Variants in BCAR3 observed in about 807,000 individuals in gnomAD.
The protein encoded by BCAR3 is breast cancer anti-estrogen resistance protein 3.
BCAR3 carries 37 observed loss-of-function variants against 80.1 expected under a neutral mutation model. The observed-to-expected ratio is 0.46, with a 90% CI of 0.36 to 0.61. The LOEUF (loss-of-function observed/expected upper bound fraction) is 0.61. Among genes scored for constraint, BCAR3 ranks in the 20% least tolerant of loss-of-function variants. The pLI is 0.00. For synonymous variants in BCAR3, 389 were observed against 418.9 expected (o/e 0.93, Z 0.87); for missense variants, 978 against 1,068.2 (o/e 0.92, Z 1.18).
At chr1:93,844,325 A>G (rs1655067860) in intron 2 of BCAR3, among the ~76,000 whole-genome samples, 1 of 152,206 alleles carries the variant, frequency 6.6e-6, no homozygotes, top group Admixed American at 6.5e-5. Context: ...AATAAAAATA[A>G]AACACCAACA....
chr1:93,762,487 G>A (rs953203685), intron 2 of BCAR3, among the ~76,000 whole-genome samples: 3 of 152,218 alleles, frequency 2.0e-5, no homozygotes, highest in Non-Finnish European at 4.4e-5. Context: ...ATGCAGACAA[G>A]TTAGCAAGGG....
At chr1:93,701,881 C>T (rs1256261727) in intron 3 of BCAR3, among the ~76,000 whole-genome samples, 3 of 152,178 alleles carry the variant, frequency 2.0e-5, no homozygotes, top group African/African-American at 7.2e-5. Flanking sequence ...GCCTTAAGAA[C>T]ATGTGAGCCA....
At chr1:93,719,507 A>AT (rs1239186563) in intron 2 of BCAR3, among the ~76,000 whole-genome samples, 1 of 151,158 alleles carries the variant, frequency 6.6e-6, no homozygotes, top group Non-Finnish European at 1.5e-5. Context: ...CGCCCGGCTA[A>AT]TTTTTTTGTA....
intron 2 of BCAR3, among the ~76,000 whole-genome samples, chr1:93,712,754 A>G (rs1650068635): frequency 6.6e-6 from 1 of 152,184 alleles, no homozygotes; most frequent in Admixed American, 6.5e-5. Flanking sequence ...TCCCTTATGA[A>G]AAGATTGAGG....
At chr1:93,641,223 G>C (rs1675967727) in intron 3 of BCAR3, among the ~76,000 whole-genome samples, 1 of 152,206 alleles carries the variant, frequency 6.6e-6, no homozygotes, top group African/African-American at 2.4e-5. Flanking sequence ...AAGTGGCCAA[G>C]TGGTTCTACT....
intron 3 of BCAR3, among the ~76,000 whole-genome samples, chr1:93,628,056 C>A (rs1236672393): frequency 6.6e-6 from 1 of 151,832 alleles, no homozygotes; most frequent in Non-Finnish European, 1.5e-5. Context: ...TTATTTTGAC[C>A]CATTATGTGA....
At chr1:93,626,176 C>T (rs1026143258) in intron 3 of BCAR3, among the ~76,000 whole-genome samples, 1 of 152,156 alleles carries the variant, frequency 6.6e-6, no homozygotes, top group African/African-American at 2.4e-5. Context: ...GGAACAGGCC[C>T]ACAATTGAGA....
intron 2 of BCAR3, among the ~76,000 whole-genome samples, chr1:93,779,926 C>T (rs1652710302): frequency 6.6e-6 from 1 of 152,134 alleles, no homozygotes; most frequent in African/African-American, 2.4e-5. Context: ...CTAGGTGACT[C>T]CGGTTCCTGT....
intron 3 of BCAR3, among the ~76,000 whole-genome samples, chr1:93,687,274 G>A (rs894642570): frequency 2.6e-5 from 4 of 151,996 alleles, no homozygotes; most frequent in Non-Finnish European, 4.4e-5. Context: ...CCACAACCAG[G>A]CTTCATCTAA....
intron 2 of BCAR3, among the ~76,000 whole-genome samples, chr1:93,658,022 C>A (rs973134650): frequency 6.6e-6 from 1 of 151,582 alleles, no homozygotes; most frequent in Non-Finnish European, 1.5e-5. Flanking sequence ...CTCACTGTAA[C>A]CTCCGCCTCC....
intron 2 of BCAR3, among the ~76,000 whole-genome samples, chr1:93,839,635 C>T (rs1466928352): frequency 6.6e-6 from 1 of 152,156 alleles, no homozygotes; most frequent in Non-Finnish European, 1.5e-5. Context: ...TGTTAGACAC[C>T]ATTAGCAATA....
At chr1:93,701,701 C>T (rs1649649287) in intron 3 of BCAR3, among the ~76,000 whole-genome samples, 2 of 152,176 alleles carry the variant, frequency 1.3e-5, no homozygotes, top group Admixed American at 6.5e-5. Flanking sequence ...CCAGGCCTGC[C>T]CCTGGGCCTC....
intron 2 of BCAR3, among the ~76,000 whole-genome samples, chr1:93,812,183 C>T (rs1331651624): frequency 6.6e-6 from 1 of 152,172 alleles, no homozygotes; most frequent in Non-Finnish European, 1.5e-5. Flanking sequence ...TCTAATAGAA[C>T]AAATGGATTC....
At chr1:93,574,423 C>T (rs1241017067) in intron 8 of BCAR3, among the ~76,000 whole-genome samples, 1 of 152,180 alleles carries the variant, frequency 6.6e-6, no homozygotes, top group African/African-American at 2.4e-5. Context: ...TAAAACTACT[C>T]CCCAGGCTCT....
chr1:93,685,337 G>A (rs377162507), upstream of BCAR3, among the ~76,000 whole-genome samples: 12 of 150,566 alleles, frequency 8.0e-5, no homozygotes, highest in African/African-American at 2.7e-4. Context: ...TATTGTATGT[G>A]CCTACCAGAG....
rs1557829855 is a variant in BCAR3 at position 93,562,239 on chromosome 1, T to G, written c.*2A>C. Reference sequence around the variant, plus strand: ...ATATTCTAAAGGTTCTCTGGAGAGTTATCAAAGCTCTGCCTGCTTTACAGG... The same window carrying G: ...ATATTCTAAAGGTTCTCTGGAGAGTGATCAAAGCTCTGCCTGCTTTACAGG... On this transcript the variant is annotated 3_prime_UTR_variant, in exon 12 of 12. Coordinates refer to ENST00000260502, the MANE Select transcript of BCAR3 (RefSeq NM_003567.4). 2.5e-6 allele frequency: 4 copies of G among 1,612,616 alleles called. No individual in the cohort carries two copies. The highest frequency in any genetic ancestry group is 1.7e-4 in the Middle Eastern group (1 of 6,060).
At chr1:93,751,249 A>G (rs1318028033) in intron 2 of BCAR3, among the ~76,000 whole-genome samples, 2 of 152,098 alleles carry the variant, frequency 1.3e-5, no homozygotes, top group Non-Finnish European at 2.9e-5. Context: ...TGCAAAGCCC[A>G]CCCCTAAGCT....
rs139028430 is a variant in BCAR3 at position 93,728,622 on chromosome 1, C to T, written c.-62-22480G>A. Among the ~76,000 whole-genome samples, 8 of 152,298 alleles carry T rather than the reference C, an allele frequency of 5.3e-5. No individual in the cohort carries two copies. In the East Asian group the frequency reaches 5.8e-4, roughly 11 times the overall value. On this transcript the variant is annotated intron_variant, in intron 2 of 13. Transcript: ENST00000370244. ...GATGGAGTCAGGCTACTTAGCTGCC[C>T]GGGCTCTCCTCCAACTGTCCCAGCC...
At chr1:93,565,964 A>G (rs959321965) in intron 11 of BCAR3, among the ~76,000 whole-genome samples, 1 of 152,188 alleles carries the variant, frequency 6.6e-6, no homozygotes, top group African/African-American at 2.4e-5. Flanking sequence ...TCCTTCCTGA[A>G]TGGTCTTTCT....
Sources: allele counts gnomAD v4.1 joint callset (sites outside exome capture counted in the v4.1 genomes callset), GRCh38; gene constraint gnomAD v4.1.1; transcripts MANE v1.5; gene names NCBI Gene and HGNC (gene_info 2026-07-23, HGNC 2026-07-21).